DENND5B: variants seen among roughly 807,000 people sequenced by gnomAD.
The protein encoded by DENND5B is DENN domain-containing protein 5B.
DENND5B carries 34 observed loss-of-function variants against 140.6 expected under a neutral mutation model. The ratio of observed to expected loss-of-function variants is 0.24; its 90% CI spans 0.18 to 0.32. DENND5B has a LOEUF of 0.32. Among genes scored for constraint, DENND5B ranks in the 10% least tolerant of loss-of-function variants. The pLI is 1.00. For missense variants in DENND5B, 1,142 were observed against 1,560.2 expected, an observed-to-expected ratio of 0.73 and a Z score of 4.52; for synonymous variants, 551 against 562.1, an observed-to-expected ratio of 0.98 and a Z score of 0.28.
intron 1 of DENND5B, among the ~76,000 whole-genome samples, chr12:31,514,186 T>C (rs1297559276): frequency 6.6e-6 from 1 of 152,044 alleles, no homozygotes; most frequent in Non-Finnish European, 1.5e-5. Context: ...TATTCAGAAA[T>C]AGGGGAAAGT....
intron 11 of DENND5B, among the ~76,000 whole-genome samples, chr12:31,415,842 C>CT (rs375221964): frequency 6.9e-4 from 103 of 149,100 alleles, no homozygotes; most frequent in African/African-American, 1.1e-3. Context: ...ATTTTCTTTT[C>CT]TTTTTTTTTT....
At chr12:31,436,058 CA>C (rs1943739474) in intron 7 of DENND5B, among the ~76,000 whole-genome samples, 1 of 151,930 alleles carries the variant, frequency 6.6e-6, no homozygotes, top group Non-Finnish European at 1.5e-5. Context: ...CTCAGCCTCC[CA>C]AAGTGCCGGG....
Position 31,586,653 on chromosome 12 carries a change from G to C in DENND5B, c.127+4053C>G, listed in dbSNP as rs79689450. On this transcript the variant is annotated intron_variant, in intron 1 of 20. Coordinates refer to ENST00000389082, the MANE Select transcript of DENND5B (RefSeq NM_144973.4). ...TGATAAGTTTTATTATAAGGTCTTA[G>C]TCTATTTAACTGTTGTTGTCTTTGA... Among the ~76,000 whole-genome samples the C allele has an allele frequency of 4.2e-3, 635 of 152,276 alleles. 5 individuals carry two copies. Among genetic ancestry groups the C allele is most frequent in the African/African-American group, 0.014 (576 of 41,562 alleles).
intron 3 of DENND5B, among the ~76,000 whole-genome samples, chr12:31,479,003 C>CCACA (rs59317176): frequency 0.078 from 11,676 of 150,650 alleles, 1,005 homozygotes; most frequent in African/African-American, 0.22. Context: ...AAACAAAAAA[C>CCACA]CACACACACA....
At chr12:31,571,943 G>A (rs1565707751) in intron 1 of DENND5B, among the ~76,000 whole-genome samples, 1 of 152,174 alleles carries the variant, frequency 6.6e-6, no homozygotes, top group African/African-American at 2.4e-5. Flanking sequence ...CATATTGCCA[G>A]GCCAGGTGCA....
chr12:31,435,197 T>A (rs556345506), intron 7 of DENND5B, among the ~76,000 whole-genome samples: 2 of 152,110 alleles, frequency 1.3e-5, no homozygotes, highest in African/African-American at 4.8e-5. Context: ...ATGAATCACT[T>A]CACCTGCCTT....
intron 8 of DENND5B, among the ~76,000 whole-genome samples, chr12:31,427,025 C>T (rs1470640729): frequency 6.6e-6 from 1 of 152,060 alleles, no homozygotes; most frequent in Non-Finnish European, 1.5e-5. Context: ...AAACATGCCC[C>T]CCTACCTCCC....
rs1384619187 is a variant in DENND5B, at chr12:31,430,825, G to T, written c.2106+2330C>A. Among the ~76,000 whole-genome samples, 6 of 152,162 alleles carry T rather than the reference G, an allele frequency of 3.9e-5. No individual in the cohort carries two copies. The East Asian group carries it at 7.7e-4, about 20-fold the overall frequency. On this transcript the variant is annotated intron_variant, in intron 8 of 20. Coordinates refer to ENST00000389082, the MANE Select transcript of DENND5B (RefSeq NM_144973.4). ...AACAGTGGATTCCATAGGGCCATGT[G>T]CAAAGTCTCCTTCTGGGCATCTCTG...
chr12:31,571,036 G>A (rs988081254), intron 1 of DENND5B, among the ~76,000 whole-genome samples: 2 of 151,980 alleles, frequency 1.3e-5, no homozygotes, highest in East Asian at 1.9e-4. Flanking sequence ...CCGCATTCTC[G>A]GCTGCAAGTG....
At chr12:31,473,083 T>C (rs373013688) in intron 3 of DENND5B, among the ~76,000 whole-genome samples, 1 of 152,126 alleles carries the variant, frequency 6.6e-6, no homozygotes, top group Non-Finnish European at 1.5e-5. Flanking sequence ...AGACTACAGG[T>C]GCACACTACC....
intron 12 of DENND5B, 93 bp from the exon 13 acceptor site, chr12:31,413,657 G>C: frequency 7.3e-7 from 1 of 1,368,744 alleles, no homozygotes; most frequent in Non-Finnish European, 9.7e-7. Context: ...GCACAGAAAG[G>C]TTTATACTTA....
intron 1 of DENND5B, among the ~76,000 whole-genome samples, chr12:31,577,956 C>T (rs1380251446): frequency 6.6e-6 from 1 of 151,498 alleles, no homozygotes; most frequent in Non-Finnish European, 1.5e-5. Context: ...GAAACCCCAT[C>T]TCTACAAAAA....
intron 13 of DENND5B, among the ~76,000 whole-genome samples, chr12:31,412,227 T>C (rs34308937): frequency 0.13 from 20,214 of 152,154 alleles, 1,606 homozygotes; most frequent in Non-Finnish European, 0.18. Flanking sequence ...GGATTACAGG[T>C]GTGAGCCACT....
At chr12:31,463,155 A>G (rs1250616672) in intron 3 of DENND5B, among the ~76,000 whole-genome samples, 2 of 152,224 alleles carry the variant, frequency 1.3e-5, no homozygotes, top group East Asian at 3.9e-4. Context: ...GCTACTTGGG[A>G]GGCTGAGGTA....
rs758272928 is a variant in DENND5B, at chr12:31,452,377, C to T, written c.1192G>A (p.Glu398Lys). The change falls in exon 5 of 21, where the codon GAG becomes AAG. Residue 398 changes from glutamate (E) to lysine (K), a missense_variant. Coordinates refer to ENST00000389082, the MANE Select transcript of DENND5B (RefSeq NM_144973.4). ...GGGATCCCAAATTGAACAAGAACCTCAGAGAGTTCTTGGATAAAATCCACT... is the reference window on the plus strand; with the variant it reads ...GGGATCCCAAATTGAACAAGAACCTTAGAGAGTTCTTGGATAAAATCCACT... ...NKVDFIQELSEVLVQFGIPPE... is the reference protein window; with the variant it reads ...NKVDFIQELSKVLVQFGIPPE... 2 of 1,613,940 alleles carry T rather than the reference C, an allele frequency of 1.2e-6. No individual in the cohort carries two copies. The highest frequency in any genetic ancestry group is 1.7e-6 in the Non-Finnish European group (2 of 1,179,866).
intron 3 of DENND5B, among the ~76,000 whole-genome samples, chr12:31,460,882 C>T (rs1227012921): frequency 1.3e-5 from 2 of 152,218 alleles, no homozygotes; most frequent in Middle Eastern, 3.4e-3. Flanking sequence ...CCCACCACCA[C>T]ACCAGGCTAA....
rs374429922 is a variant in DENND5B at position 31,556,429 on chromosome 12, C to T, written c.127+34277G>A. ...GTTGGTCAGGCTGGTCTTGAACTCCCGACCTCAGCTGATTCACTTGCCTCG... is the reference window on the plus strand; with the variant it reads ...GTTGGTCAGGCTGGTCTTGAACTCCTGACCTCAGCTGATTCACTTGCCTCG... On this transcript the variant is annotated intron_variant, in intron 1 of 20. Transcript: ENST00000389082. Among the ~76,000 whole-genome samples, 28 of 152,146 alleles carry T rather than the reference C, an allele frequency of 1.8e-4. No homozygotes were observed. The East Asian group carries it at 4.3e-3, about 23-fold the overall frequency.
At chr12:31,572,491 A>G (rs1949859784) in intron 1 of DENND5B, among the ~76,000 whole-genome samples, 1 of 151,836 alleles carries the variant, frequency 6.6e-6, no homozygotes, top group Non-Finnish European at 1.5e-5. Flanking sequence ...AACAAAATAA[A>G]TATCAAATCC....
intron 11 of DENND5B, 77 bp downstream of exon 11, chr12:31,423,518 AAG>A: frequency 7.1e-7 from 1 of 1,415,918 alleles, no homozygotes; most frequent in Admixed American, 2.1e-5. Flanking sequence ...TTGAGAGAGA[AAG>A]AGATCAAGAC....
Sources: allele counts gnomAD v4.1 joint callset (sites outside exome capture counted in the v4.1 genomes callset), GRCh38; gene constraint gnomAD v4.1.1; transcripts MANE v1.5; gene names NCBI Gene and HGNC (gene_info 2026-07-23, HGNC 2026-07-21).